NDUFA10: variants seen among roughly 807,000 people sequenced by gnomAD.
NDUFA10 encodes the protein NADH:ubiquinone oxidoreductase subunit A10.
A neutral mutation model predicts 47.8 loss-of-function variants in NDUFA10; 40 were observed. That is an observed-to-expected ratio of 0.84 (90% CI 0.65 to 1.09). The LOEUF is 1.09. NDUFA10 is among the 50% of genes least tolerant of loss of function. NDUFA10 has a pLI of 0.00. For synonymous variants in NDUFA10, 183 were observed against 172.2 expected (o/e 1.06, Z -0.49); for missense variants, 413 against 451.1 (o/e 0.92, Z 0.76).
At position 240,021,365 on chromosome 2, in the gene NDUFA10, T is replaced by C; in HGVS notation, c.292A>G (p.Thr98Ala). 2 of 1,614,202 alleles carry C rather than the reference T, an allele frequency of 1.2e-6. No individual in the cohort carries two copies. The highest frequency in any genetic ancestry group is 1.7e-6 in the Non-Finnish European group (2 of 1,180,036). ...GTGGCGAGGGGCTTCCCATCTCCTGTGGTACTGTCTGGATAATGAATCCCC... is the reference window on the plus strand; with the variant it reads ...GTGGCGAGGGGCTTCCCATCTCCTGCGGTACTGTCTGGATAATGAATCCCC... ...EAGIHYPDST[T>A]GDGKPLATDY... The change falls in exon 3 of 10, where the codon ACA becomes GCA. Residue 98 changes from threonine (T) to alanine (A), a missense_variant. Thr to Ala is a moderately conservative substitution (Grantham distance 58, BLOSUM62 0). Transcript: ENST00000252711.
chr2:239,901,034 T>C (rs72999730), intron 4 of NDUFA10, among the ~76,000 whole-genome samples: 16,673 of 152,270 alleles, frequency 0.11, 1,155 homozygotes, highest in Non-Finnish European at 0.16. Flanking sequence ...TGGAAAAAGA[T>C]GCCATCTAGG....
rs112729474 is a variant in NDUFA10, at chr2:239,945,647, T to C, written c.294+44427A>G. Among the ~76,000 whole-genome samples, 13 of 152,336 alleles carry C rather than the reference T, an allele frequency of 8.5e-5. No individual in the cohort carries two copies. The highest frequency in any genetic ancestry group is 2.9e-4 in the African/African-American group (12 of 41,584). On this transcript the variant is annotated intron_variant, in intron 4 of 5. Transcript: ENST00000419408. The surrounding 1 kb of genome is among the most constrained non-coding windows in gnomAD (Gnocchi z 4.6). The stretch of plus-strand genomic sequence containing the variant: ...CAGTTTTCTCACGGAATGGATCGAT[T>C]GGCCCTGGGATGAAAACCAGCATGT...
At chr2:239,909,208 T>A (rs1019056128) in intron 4 of NDUFA10, among the ~76,000 whole-genome samples, 5 of 152,082 alleles carry the variant, frequency 3.3e-5, no homozygotes, top group Non-Finnish European at 7.3e-5. Context: ...GGTCTTAATA[T>A]TCACGTGACA....
downstream of NDUFA10, among the ~76,000 whole-genome samples, chr2:239,953,650 T>TCCA (rs993307353): frequency 4.6e-5 from 7 of 152,118 alleles, no homozygotes; most frequent in African/African-American, 1.7e-4. Context: ...CCACTCCCCT[T>TCCA]CCACCACCTC....
intron 4 of NDUFA10, among the ~76,000 whole-genome samples, chr2:239,937,050 A>G: frequency 6.6e-6 from 1 of 152,228 alleles, no homozygotes; most frequent in East Asian, 1.9e-4. Flanking sequence ...CCATGGCCAC[A>G]TGCCCCCTCT....
At chr2:239,936,025 C>T (rs78791266) in intron 4 of NDUFA10, among the ~76,000 whole-genome samples, 3,074 of 152,324 alleles carry the variant, frequency 0.02, 105 homozygotes, top group African/African-American at 0.069. Flanking sequence ...TTATTACTCC[C>T]GGCTCCCCCA....
At chr2:239,942,634 T>G (rs1694377853) in intron 4 of NDUFA10, among the ~76,000 whole-genome samples, 1 of 152,136 alleles carries the variant, frequency 6.6e-6, no homozygotes, top group South Asian at 2.1e-4. Flanking sequence ...TTTTTTTCTG[T>G]TCACGAGCTG....
intron 1 of NDUFA10, 59 bp downstream of exon 1, chr2:240,025,168 C>CA: frequency 1.7e-5 from 9 of 543,196 alleles, no homozygotes; most frequent in Non-Finnish European, 2.2e-5. Flanking sequence ...AACTGCTCCC[C>CA]ACCCCGCCAC....
chr2:239,950,525 C>T (rs1368003218), intron 4 of NDUFA10, among the ~76,000 whole-genome samples: 3 of 152,060 alleles, frequency 2.0e-5, no homozygotes, highest in Non-Finnish European at 4.4e-5. Context: ...TGACCTTTCC[C>T]ACTTGTGTTT....
At position 239,959,223 on chromosome 2, in the gene NDUFA10, C is replaced by T. The variant is rs943689107; in HGVS notation, c.*1895G>A. Reference sequence around the variant, plus strand: ...AAACACAGGGGATGATCAGAGCACCCGAGTCCACACCATGCCGACACGGAG... The same window carrying T: ...AAACACAGGGGATGATCAGAGCACCTGAGTCCACACCATGCCGACACGGAG... On this transcript the variant is annotated 3_prime_UTR_variant, in exon 10 of 10. Transcript: ENST00000252711. 3 of 984,404 alleles carry T rather than the reference C, an allele frequency of 3.0e-6. No individual in the cohort carries two copies. Among genetic ancestry groups the T allele is most frequent in the African/African-American group, 3.5e-5 (2 of 57,020 alleles). 61.0% of individuals were successfully genotyped at this position (984,404 alleles called of 1,614,324 possible). A position where few individuals can be genotyped will look rare whatever the true frequency, so the allele number is the denominator to read the frequency against.
chr2:239,961,357 G>C (rs889962873), intron 9 of NDUFA10, among the ~76,000 whole-genome samples, 171 bp from the exon 10 acceptor site: 1 of 152,226 alleles, frequency 6.6e-6, no homozygotes, highest in African/African-American at 2.4e-5. Context: ...GATGCCACAG[G>C]TACACAAACC....
chr2:239,981,871 G>C (rs909352471), intron 9 of NDUFA10, among the ~76,000 whole-genome samples: 1 of 151,462 alleles, frequency 6.6e-6, no homozygotes, highest in Middle Eastern at 3.4e-3. Context: ...GTTAATGGCA[G>C]AATTTGGCTA....
chr2:239,962,431 A>G (rs1208902063), intron 9 of NDUFA10, among the ~76,000 whole-genome samples: 3 of 152,074 alleles, frequency 2.0e-5, no homozygotes, highest in Non-Finnish European at 2.9e-5. Flanking sequence ...CGAACACACA[A>G]TGCATCCTAT....
chr2:239,899,018 A>T (rs112239402), intron 4 of NDUFA10, among the ~76,000 whole-genome samples: 669 of 53,096 alleles, frequency 0.013, 5 homozygotes, highest in Middle Eastern at 0.037. Context: ...GATGGAGGGG[A>T]GTCATGGAGG....
chr2:239,989,622 C>T (rs926858093), intron 9 of NDUFA10, among the ~76,000 whole-genome samples: 4 of 152,260 alleles, frequency 2.6e-5, no homozygotes, highest in African/African-American at 9.6e-5. Flanking sequence ...ATCAATGACA[C>T]AGTTGCCCCT....
At chr2:239,980,324 T>C (rs537048436) in intron 9 of NDUFA10, among the ~76,000 whole-genome samples, 1 of 152,190 alleles carries the variant, frequency 6.6e-6, no homozygotes, top group Non-Finnish European at 1.5e-5. Flanking sequence ...CAGCAGGTAT[T>C]GGGATAAACT....
In NDUFA10 at chr2:239,960,500, C is replaced by T. The variant is rs566826310; in HGVS notation, c.*618G>A. On this transcript the variant is annotated 3_prime_UTR_variant, in exon 10 of 10. Transcript: ENST00000252711. ...ATCTTTCTCAACGTCTCTCTTAAAACATATTGTTCTGTAAATCTGTGGTAA... is the reference window on the plus strand; with the variant it reads ...ATCTTTCTCAACGTCTCTCTTAAAATATATTGTTCTGTAAATCTGTGGTAA... 1.0e-6 allele frequency: 1 copy of T among 996,778 alleles called. No homozygotes were observed. The highest frequency in any genetic ancestry group is 4.4e-5 in the South Asian group (1 of 22,784). The allele number at this position is 996,778 out of a possible 1,614,324, so 61.7% of individuals were successfully genotyped here. A position where few individuals can be genotyped will look rare whatever the true frequency, so the allele number is the denominator to read the frequency against.
rs1478434542 is a variant in NDUFA10 at position 239,895,244 on chromosome 2, C to T, written c.365G>A (p.Trp122Ter). The change falls in exon 5 of 6, where the codon TGG (tryptophan) becomes TAG (stop). Residue 122 changes from tryptophan (W) to a stop codon, truncating the protein, a stop_gained. Coordinates refer to the NDUFA10 transcript ENST00000419408. LOFTEE classifies it high-confidence loss of function. ...TTAGGAGTCTTCTCCACACACAGAC[C>T]ATTCTGAGAACAGGGAGCCCAGTGG... 1 of 469,274 alleles carries T rather than the reference C, an allele frequency of 2.1e-6. No homozygotes were observed. 29.1% of individuals were successfully genotyped at this position (469,274 alleles called of 1,614,324 possible).
Position 240,005,230 on chromosome 2 carries a change from A to G in NDUFA10, c.870T>C (p.Thr290=), listed in dbSNP as rs765127812. 67 of 1,613,994 alleles carry G rather than the reference A, an allele frequency of 4.2e-5. No individual in the cohort carries two copies. Among genetic ancestry groups the G allele is most frequent in the Non-Finnish European group, 5.7e-5 (67 of 1,179,954 alleles). ...CTTACAGTAATCGCAGGTGGTATAA[A>G]GTGCGATTGTCCTGCTTGAGCCACG... ...KGPWLKQDNR[T]LYHLRLLVQD... The change falls in exon 8 of 10, where the codon ACT becomes ACC. Residue 290 remains threonine (T), a synonymous_variant. Transcript: ENST00000252711.
Sources: allele counts gnomAD v4.1 joint callset (sites outside exome capture counted in the v4.1 genomes callset), GRCh38; gene constraint gnomAD v4.1.1; non-coding constraint Gnocchi (gnomAD v3.1); transcripts MANE v1.5; gene names NCBI Gene and HGNC (gene_info 2026-07-23, HGNC 2026-07-21).